WDR7: variants seen among roughly 807,000 people sequenced by gnomAD.
WDR7 encodes WD repeat domain 7.
WDR7 carries 46 observed loss-of-function variants against 169.4 expected under a neutral mutation model. The observed-to-expected ratio is 0.27, with a 90% CI of 0.21 to 0.35. The LOEUF (loss-of-function observed/expected upper bound fraction) is 0.35. Ranked by LOEUF, WDR7 falls within the 10% of genes least tolerant of loss-of-function variation. WDR7 has a pLI of 1.00. For synonymous variants in WDR7, 612 were observed against 666.8 expected (o/e 0.92, Z 1.27); for missense variants, 1,534 against 1,859.3 (o/e 0.83, Z 3.22).
intron 20 of WDR7, among the ~76,000 whole-genome samples, chr18:56,832,332 A>T (rs560995513): frequency 6.6e-6 from 1 of 152,346 alleles, no homozygotes; most frequent in East Asian, 1.9e-4. Flanking sequence ...GAAAAGCAGC[A>T]GCCCCACTCA....
intron 20 of WDR7, among the ~76,000 whole-genome samples, chr18:56,819,387 T>G (rs1448285551): frequency 6.6e-6 from 1 of 152,142 alleles, no homozygotes; most frequent in Non-Finnish European, 1.5e-5. Context: ...GCAGCTTCTT[T>G]CTCTATCTCT....
chr18:56,852,010 TG>T (rs2045647470), intron 20 of WDR7, among the ~76,000 whole-genome samples: 1 of 152,196 alleles, frequency 6.6e-6, no homozygotes, highest in Non-Finnish European at 1.5e-5. Context: ...AATGACCCTC[TG>T]GCTTCATTTC....
intron 26 of WDR7, among the ~76,000 whole-genome samples, chr18:56,985,505 G>A (rs2145841585): frequency 6.6e-6 from 1 of 152,106 alleles, no homozygotes; most frequent in Non-Finnish European, 1.5e-5. Flanking sequence ...TGATTAGTAT[G>A]TTTCTAATTT....
At chr18:56,810,310 A>C (rs2044847110) in intron 19 of WDR7, among the ~76,000 whole-genome samples, 1 of 152,152 alleles carries the variant, frequency 6.6e-6, no homozygotes, top group African/African-American at 2.4e-5. Flanking sequence ...TGGGCTGTCC[A>C]TTCTCAGTTT....
chr18:56,988,766 C>A (rs1020531442), intron 26 of WDR7, among the ~76,000 whole-genome samples: 2 of 151,868 alleles, frequency 1.3e-5, no homozygotes, highest in African/African-American at 4.8e-5. Context: ...GTTGGAAGTT[C>A]TATAGGGAAT....
Position 56,790,906 on chromosome 18 carries a change from T to C in WDR7, c.3190+9250T>C, listed in dbSNP as rs115614432. ...AGCACCTGAATTGACCCCAGCAAGA[T>C]TGAGATTGATCTGGTTTCTTTCAGC... On this transcript the variant is annotated intron_variant, in intron 19 of 27. Coordinates refer to ENST00000254442, the MANE Select transcript of WDR7 (RefSeq NM_015285.3). Among the ~76,000 whole-genome samples, 562 of 152,226 alleles carry C rather than the reference T, an allele frequency of 3.7e-3. 7 individuals are homozygous for C. Among genetic ancestry groups the C allele is most frequent in the African/African-American group, 0.013 (530 of 41,548 alleles).
intron 25 of WDR7, among the ~76,000 whole-genome samples, chr18:56,961,314 A>ATT (rs34820218): frequency 3.3e-5 from 5 of 151,384 alleles, no homozygotes; most frequent in African/African-American, 1.2e-4. Flanking sequence ...GAGAAATGAG[A>ATT]TTTTTTTTTC....
rs139958377 is a variant in WDR7 at position 56,731,134 on chromosome 18, G to C, written c.1775-249G>C. On this transcript the variant is annotated intron_variant, in intron 13 of 27. Transcript: ENST00000254442. Reference sequence around the variant, plus strand: ...AGAGTGGAAAAGCCTGGAGAAGGTTGTTGGAATCTTAGCTCTGAACTTGAC... The same window carrying C: ...AGAGTGGAAAAGCCTGGAGAAGGTTCTTGGAATCTTAGCTCTGAACTTGAC... Among the ~76,000 whole-genome samples the C allele has an allele frequency of 8.6e-3, 1,308 of 152,216 alleles. 15 individuals carry two copies. Among genetic ancestry groups the C allele is most frequent in the South Asian group, 0.013 (64 of 4,820 alleles).
At chr18:57,008,834 T>A (rs932935232) in intron 26 of WDR7, among the ~76,000 whole-genome samples, 13 of 152,246 alleles carry the variant, frequency 8.5e-5, no homozygotes, top group African/African-American at 2.9e-4. Flanking sequence ...CTCATCTTTA[T>A]ACTCTGATAT....
At chr18:56,781,715 T>C in intron 19 of WDR7, 59 bp downstream of exon 19, 1 of 1,420,858 alleles carries the variant, frequency 7.0e-7, no homozygotes, top group African/African-American at 1.5e-5. Context: ...AAGGTACCTG[T>C]ACTCACAAAT....
At chr18:56,746,614 G>A (rs2043707990) in intron 14 of WDR7, among the ~76,000 whole-genome samples, 3 of 152,148 alleles carry the variant, frequency 2.0e-5, no homozygotes, top group Admixed American at 2.0e-4. Context: ...AATTTTTCAA[G>A]TATAATACAG....
intron 20 of WDR7, among the ~76,000 whole-genome samples, chr18:56,868,756 G>A (rs775804797): frequency 3.3e-5 from 5 of 152,096 alleles, no homozygotes; most frequent in Non-Finnish European, 7.4e-5. Context: ...TGCGAATAAT[G>A]GTCTCAGTGT....
chr18:56,734,866 G>A (rs1374916391), intron 14 of WDR7, among the ~76,000 whole-genome samples: 1 of 151,696 alleles, frequency 6.6e-6, no homozygotes, highest in Non-Finnish European at 1.5e-5. Context: ...TAACTATATT[G>A]CATTGTAGTA....
intron 21 of WDR7, among the ~76,000 whole-genome samples, chr18:56,906,424 G>A (rs1403881409): frequency 1.3e-5 from 2 of 152,098 alleles, no homozygotes; most frequent in African/African-American, 4.8e-5. Flanking sequence ...TTAAAGAGGG[G>A]GAAGCAAATG....
intron 19 of WDR7, among the ~76,000 whole-genome samples, chr18:56,784,069 C>T (rs959280041): frequency 6.6e-6 from 1 of 152,146 alleles, no homozygotes; most frequent in Non-Finnish European, 1.5e-5. Flanking sequence ...TTCATTTAAC[C>T]ATTACAATAA....
chr18:56,887,087 A>G (rs187948671), intron 21 of WDR7, among the ~76,000 whole-genome samples: 607 of 152,316 alleles, frequency 4.0e-3, no homozygotes, highest in Non-Finnish European at 6.0e-3. Context: ...CTATCACTAG[A>G]AAAAGAGGAA....
At chr18:56,986,434 G>A (rs4144439) in intron 26 of WDR7, among the ~76,000 whole-genome samples, 85,589 of 151,924 alleles carry the variant, frequency 0.56, 24,637 homozygotes, top group Middle Eastern at 0.71. Flanking sequence ...TAGTTTTCAT[G>A]TTTTATCATA....
At chr18:56,757,700 G>A (rs1464854340) in intron 15 of WDR7, among the ~76,000 whole-genome samples, 1 of 152,128 alleles carries the variant, frequency 6.6e-6, no homozygotes, top group African/African-American at 2.4e-5. Flanking sequence ...GGCTGGGCAT[G>A]GTAGCTGACA....
chr18:56,659,755 C>T (rs1228024451), intron 1 of WDR7, among the ~76,000 whole-genome samples: 6 of 152,096 alleles, frequency 3.9e-5, no homozygotes, highest in African/African-American at 1.2e-4. Flanking sequence ...GAGAGAACAA[C>T]CACCTCACTC....
Sources: allele counts gnomAD v4.1 joint callset (sites outside exome capture counted in the v4.1 genomes callset), GRCh38; gene constraint gnomAD v4.1.1; transcripts MANE v1.5; gene names NCBI Gene and HGNC (gene_info 2026-07-23, HGNC 2026-07-21).